Variants in NDUFS1 observed in about 807,000 individuals in gnomAD.
NDUFS1 encodes the protein NADH-ubiquinone oxidoreductase 75 kDa subunit, mitochondrial.
In NDUFS1, 61 loss-of-function variants were observed where a neutral mutation model predicts 84.4. The observed-to-expected ratio is 0.72, with a 90% CI of 0.59 to 0.89. NDUFS1 has a LOEUF of 0.89. Among genes scored for constraint, NDUFS1 ranks in the 40% least tolerant of loss-of-function variants. The pLI is 0.00. For missense variants in NDUFS1, 891 were observed against 890.0 expected (o/e 1.00, Z -0.01); for synonymous variants, 275 against 290.0 (o/e 0.95, Z 0.53).
chr2:206,130,783 T>C (rs1454155798), intron 14 of NDUFS1, among the ~76,000 whole-genome samples: 1 of 152,224 alleles, frequency 6.6e-6, no homozygotes, highest in Non-Finnish European at 1.5e-5. Context: ...TGACATAGTA[T>C]TGAATGAAAT....
chr2:206,130,046 G>T (rs1691444301), intron 15 of NDUFS1, 42 bp downstream of exon 15: 1 of 1,605,836 alleles, frequency 6.2e-7, no homozygotes, highest in Non-Finnish European at 8.5e-7. Flanking sequence ...CATACATAAT[G>T]TACTACTCTC....
Position 206,127,865 on chromosome 2 carries a change from T to C in NDUFS1, c.1816A>G (p.Thr606Ala). 6.2e-7 allele frequency: 1 copy of C among 1,614,130 alleles called. No individual in the cohort carries two copies. The highest frequency in any genetic ancestry group is 1.1e-5 in the South Asian group (1 of 91,078). Residue 606 changes from threonine (T) to alanine (A), a missense_variant, in exon 16 of 19, where the codon ACT becomes GCT. Thr to Ala is a moderately conservative substitution (Grantham distance 58). Transcript: ENST00000233190. The part of the protein sequence containing the change: ...YVNTEGRAQQ[T>A]KVAVTPPGLA... The stretch of plus-strand genomic sequence containing the variant: ...CCAGGAGGTGTCACTGCTACCTTAG[T>C]CTGCTGAGCTCTACCCTCAGTGTTG...
rs907137054 is a variant in NDUFS1, at chr2:206,121,441, ATTAT to A, written c.*2740_*2743del. 1.3e-5 allele frequency: 2 copies of A among 152,132 alleles called. No homozygotes were observed. The highest frequency in any genetic ancestry group is 2.9e-5 in the Non-Finnish European group (2 of 67,970). 9.4% of individuals were successfully genotyped at this position (152,132 alleles called of 1,614,324 possible). ...GAGCACTACTTATCCCAGAGGAGGT[ATTAT>A]TTATTTATTTATTTATTTTTTGAGA... On this transcript the variant is annotated 3_prime_UTR_variant, in exon 19 of 19. Transcript: ENST00000233190.
At position 206,147,602 on chromosome 2, in the gene NDUFS1, C is replaced by T; in HGVS notation, c.480G>A (p.Val160=). The T allele has an allele frequency of 6.2e-7, 1 of 1,614,106 alleles. No homozygotes were observed. The highest frequency in any genetic ancestry group is 8.5e-7 in the Non-Finnish European group (1 of 1,180,010). ...CCAATGGCCCAATGTTCTTGTCTTC[C>T]ACAGCACGCTTCCCCTCTAAAAATC... ...RSRFLEGKRA[V]EDKNIGPLVK... is the part of the protein sequence containing the mutation. Residue 160 remains valine (V), a synonymous_variant, in exon 7 of 19, where the codon GTG becomes GTA. Coordinates refer to ENST00000233190, the MANE Select transcript of NDUFS1 (RefSeq NM_005006.7).
In NDUFS1 at chr2:206,133,108, A is replaced by AT; in HGVS notation, c.1393-4dup. Reference sequence around the variant, plus strand: ...GGTTTTTTAGCTTCCTTTAGGACCTATTTAAAAAAAAAAACAACTTTGATT... The same window carrying AT: ...GGTTTTTTAGCTTCCTTTAGGACCTATTTTAAAAAAAAAAACAACTTTGATT... On this transcript the variant is annotated splice_polypyrimidine_tract_variant and splice_region_variant and intron_variant, in intron 13 of 18. Transcript: ENST00000233190. 1.3e-6 allele frequency: 2 copies of AT among 1,591,488 alleles called. No homozygotes were observed. Among genetic ancestry groups the AT allele is most frequent in the Admixed American group, 1.8e-5 (1 of 56,780 alleles).
rs1201913905 is a variant in NDUFS1 at position 206,142,840 on chromosome 2, A to G, written c.988-9T>C. On this transcript the variant is annotated splice_polypyrimidine_tract_variant and intron_variant, in intron 10 of 18. Transcript: ENST00000233190. ...CCTTGAAAACTCTGCAACTAGAAAC[A>G]GATGAAAAGGGCATCACCAAGAAAC... is the stretch of plus-strand genomic sequence containing the variant. 3.1e-6 allele frequency: 5 copies of G among 1,613,952 alleles called. No individual in the cohort carries two copies. Among genetic ancestry groups the G allele is most frequent in the Non-Finnish European group, 4.2e-6 (5 of 1,180,004 alleles).
chr2:206,144,848 T>C, intron 9 of NDUFS1, 44 bp downstream of exon 9: 1 of 1,589,438 alleles, frequency 6.3e-7, no homozygotes, highest in Non-Finnish European at 8.6e-7. Flanking sequence ...TAAAATTTCC[T>C]TTAAATAAAC....
intron 1 of NDUFS1, among the ~76,000 whole-genome samples, chr2:206,158,125 G>T (rs1240053592): frequency 6.6e-6 from 1 of 151,964 alleles, no homozygotes. Flanking sequence ...ACCACGCCCA[G>T]CTAATTTTTT....
Position 206,146,802 on chromosome 2 carries a change from A to C in NDUFS1, c.737+101T>G, listed in dbSNP as rs1044610608. On this transcript the variant is annotated intron_variant, in intron 8 of 18. Transcript: ENST00000233190. ...TTACATAAACAAACAAAGTCAACAGACCAAAACAACTGAAACCCAGGAAGA... is the reference window on the plus strand; with the variant it reads ...TTACATAAACAAACAAAGTCAACAGCCCAAAACAACTGAAACCCAGGAAGA... The C allele has an allele frequency of 2.6e-6, 3 of 1,171,078 alleles. No homozygotes were observed. The African/African-American group carries it at 4.6e-5, about 18-fold the overall frequency. The allele number at this position is 1,171,078 out of a possible 1,614,324, so 72.5% of individuals were successfully genotyped here. A position where few individuals can be genotyped will look rare whatever the true frequency, so the allele number is the denominator to read the frequency against.
chr2:206,126,756 T>C lies in NDUFS1; in HGVS notation c.1973A>G (p.Asp658Gly), dbSNP rs1691308715. 1 of 1,614,082 alleles carries C rather than the reference T, an allele frequency of 6.2e-7. No homozygotes were observed. Among genetic ancestry groups the C allele is most frequent in the South Asian group, 1.1e-5 (1 of 91,088 alleles). Reference protein sequence around the residue: ...EVSPNLVRYDDIEGANYFQQA... With the variant: ...EVSPNLVRYDGIEGANYFQQA... ...CTGGAAGTAATTAGCCCCTTCAATA[T>C]CATCATATCGAACAAGATTAGGAGA... is the stretch of plus-strand genomic sequence containing the variant. The change falls in exon 17 of 19, where the codon GAT becomes GGT. Residue 658 changes from aspartate (D) to glycine (G), a missense_variant. By Grantham distance (94) the Asp-to-Gly change is moderately conservative. Transcript: ENST00000233190.
In NDUFS1 at chr2:206,151,817, T is replaced by C. The variant is rs545327270; in HGVS notation, c.153+602A>G. On this transcript the variant is annotated intron_variant, in intron 3 of 18. Coordinates refer to ENST00000233190, the MANE Select transcript of NDUFS1 (RefSeq NM_005006.7). ...TAAGCAGGCCCACAACAAATGGAGG[T>C]TATTTTTTCACAAACTTACCTATAG... 9.5e-4 allele frequency among the ~76,000 whole-genome samples: 144 copies of C among 152,256 alleles called. 8 individuals are homozygous for C. In the South Asian group the frequency reaches 0.029, roughly 30 times the overall value.
chr2:206,155,305 C>G (rs552610567), intron 1 of NDUFS1, among the ~76,000 whole-genome samples: 2 of 151,834 alleles, frequency 1.3e-5, no homozygotes, highest in Admixed American at 1.3e-4. Context: ...TTAGTAGAGA[C>G]GGGGTTTCAT....
Position 206,118,252 on chromosome 2 carries a change from C to A in NDUFS1, c.*5933G>T, listed in dbSNP as rs1267060753. 6.6e-6 allele frequency: 1 copy of A among 152,170 alleles called. No individual in the cohort carries two copies. Among genetic ancestry groups the A allele is most frequent in the Non-Finnish European group, 1.5e-5 (1 of 68,028 alleles). The allele number at this position is 152,170 out of a possible 1,614,324, so 9.4% of individuals were successfully genotyped here. ...ATCTAGTCAGTTTTCTCATTAACAT[C>A]CTTGTCCCTTGGGATAAATTAAATC... On this transcript the variant is annotated 3_prime_UTR_variant, in exon 19 of 19. Coordinates refer to ENST00000233190, the MANE Select transcript of NDUFS1 (RefSeq NM_005006.7).
intron 13 of NDUFS1, among the ~76,000 whole-genome samples, chr2:206,134,208 A>C (rs1691620563): frequency 6.6e-6 from 1 of 152,182 alleles, no homozygotes; most frequent in African/African-American, 2.4e-5. Flanking sequence ...ATGAAAAATA[A>C]CACACTCTTT....
In NDUFS1 at chr2:206,149,897, G is replaced by C; in HGVS notation, c.182C>G (p.Pro61Arg). The stretch of plus-strand genomic sequence containing the variant: ...CAACCTTTCATGATAACAGAATCGA[G>C]GGATCTGCATGCCAACCTTCTCACA... ...QACEKVGMQI[P>R]RFCYHERLSV... is the part of the protein sequence containing the mutation. The change falls in exon 4 of 19, where the codon CCT becomes CGT. Residue 61 changes from proline (P) to arginine (R), a missense_variant. Physicochemically the swap from Pro to Arg is moderately radical, Grantham distance 103 (BLOSUM62 -2). Coordinates refer to ENST00000233190, the MANE Select transcript of NDUFS1 (RefSeq NM_005006.7). The C allele has an allele frequency of 6.3e-7, 1 of 1,587,232 alleles. No homozygotes were observed. Among genetic ancestry groups the C allele is most frequent in the Non-Finnish European group, 8.6e-7 (1 of 1,164,652 alleles).
At chr2:206,140,850 G>A (rs1691909080) in intron 12 of NDUFS1, among the ~76,000 whole-genome samples, 1 of 150,966 alleles carries the variant, frequency 6.6e-6, no homozygotes, top group Non-Finnish European at 1.5e-5. Flanking sequence ...AGGTATAAAA[G>A]GGCACCATGT....
intron 2 of NDUFS1, among the ~76,000 whole-genome samples, chr2:206,153,351 A>G (rs899141101): frequency 4.6e-5 from 7 of 152,072 alleles, no homozygotes; most frequent in African/African-American, 7.2e-5. Context: ...GTGCCCCACC[A>G]TGCCCAGCTG....
At chr2:206,138,148 T>C (rs1691792565) in intron 13 of NDUFS1, among the ~76,000 whole-genome samples, 1 of 152,210 alleles carries the variant, frequency 6.6e-6, no homozygotes, top group Admixed American at 6.5e-5. Context: ...TGGAGTGCAG[T>C]GGCACAATCT....
chr2:206,158,255 T>C (rs1687753487), intron 1 of NDUFS1, among the ~76,000 whole-genome samples: 1 of 152,148 alleles, frequency 6.6e-6, no homozygotes, highest in Admixed American at 6.6e-5. Flanking sequence ...AGCCACCGCC[T>C]CCGGCCTTCA....
Sources: allele counts gnomAD v4.1 joint callset (sites outside exome capture counted in the v4.1 genomes callset), GRCh38; gene constraint gnomAD v4.1.1; transcripts MANE v1.5; gene names NCBI Gene and HGNC (gene_info 2026-07-23, HGNC 2026-07-21).